PKIB: variants seen among roughly 807,000 people sequenced by gnomAD.
The protein encoded by PKIB is PKI-beta.
In PKIB, 2 loss-of-function variants were observed where a neutral mutation model predicts 4.5. The ratio of observed to expected loss-of-function variants is 0.44; its 90% CI spans 0.18 to 1.39. The LOEUF is 1.39. PKIB is among the 40% of genes most tolerant of loss of function. The probability of loss-of-function intolerance (pLI) is 0.27; values close to 1 mark genes in which losing one functional copy is unlikely to be tolerated. For synonymous variants in PKIB, 38 were observed against 36.0 expected, an observed-to-expected ratio of 1.06 and a Z score of -0.20; for missense variants, 94 against 92.6, an observed-to-expected ratio of 1.02 and a Z score of -0.06.
intron 2 of PKIB, among the ~76,000 whole-genome samples, chr6:122,664,633 C>G (rs1777145515): frequency 6.6e-6 from 1 of 152,098 alleles, no homozygotes; most frequent in African/African-American, 2.4e-5. Flanking sequence ...TGGACTCAAG[C>G]AATCCTCCTA....
chr6:122,661,267 G>A (rs562691874), intron 2 of PKIB, among the ~76,000 whole-genome samples: 5 of 152,044 alleles, frequency 3.3e-5, no homozygotes, highest in South Asian at 2.1e-4. Context: ...GTATATTCAC[G>A]CACTGTCATG....
intron 3 of PKIB, among the ~76,000 whole-genome samples, chr6:122,690,270 G>T (rs1013250531): frequency 1.3e-5 from 2 of 151,530 alleles, no homozygotes; most frequent in Non-Finnish European, 2.9e-5. Context: ...ACTATTGATA[G>T]GTAAGGACTA....
intron 2 of PKIB, among the ~76,000 whole-genome samples, chr6:122,538,361 T>C (rs1777473923): frequency 6.6e-6 from 1 of 152,122 alleles, no homozygotes; most frequent in African/African-American, 2.4e-5. Flanking sequence ...TTGTATAAGG[T>C]GTAAGGAAGG....
chr6:122,502,258 G>T (rs958317256), intron 2 of PKIB, among the ~76,000 whole-genome samples: 1 of 151,872 alleles, frequency 6.6e-6, no homozygotes, highest in African/African-American at 2.4e-5. Context: ...CCATTACATA[G>T]TTCCAAAGTT....
At chr6:122,663,002 G>A (rs1051535214) in intron 2 of PKIB, among the ~76,000 whole-genome samples, 15 of 152,002 alleles carry the variant, frequency 9.9e-5, no homozygotes, top group African/African-American at 3.1e-4. Flanking sequence ...TTTCTTCTTC[G>A]TTTCCTTGCT....
chr6:122,505,082 G>A (rs539112365), intron 2 of PKIB, among the ~76,000 whole-genome samples: 41 of 152,278 alleles, frequency 2.7e-4, no homozygotes, highest in Non-Finnish European at 5.1e-4. Flanking sequence ...CGTCATAGGC[G>A]TTATCTATAG....
chr6:122,630,754 G>C (rs1562277319), intron 1 of PKIB, among the ~76,000 whole-genome samples: 1 of 152,124 alleles, frequency 6.6e-6, no homozygotes, highest in Non-Finnish European at 1.5e-5. Flanking sequence ...GTACTGCACG[G>C]ATATGCTATA....
intron 2 of PKIB, among the ~76,000 whole-genome samples, chr6:122,659,052 A>G (rs1220779413): frequency 3.3e-5 from 5 of 152,072 alleles, no homozygotes; most frequent in Admixed American, 6.5e-5. Context: ...TTTACCAAAT[A>G]GAAGTCATAT....
intron 1 of PKIB, among the ~76,000 whole-genome samples, chr6:122,614,383 C>T (rs1269708562): frequency 6.6e-6 from 1 of 152,194 alleles, no homozygotes; most frequent in Non-Finnish European, 1.5e-5. Context: ...GAAGCATCTA[C>T]AGACAATATG....
intron 3 of PKIB, among the ~76,000 whole-genome samples, chr6:122,598,250 T>A (rs1395509333): frequency 6.6e-6 from 1 of 152,180 alleles, no homozygotes; most frequent in Non-Finnish European, 1.5e-5. Context: ...ACCTAGAAGT[T>A]TTCTGTTTGT....
At chr6:122,648,462 AC>A (rs1433944906) in intron 2 of PKIB, among the ~76,000 whole-genome samples, 1 of 152,198 alleles carries the variant, frequency 6.6e-6, no homozygotes, top group Non-Finnish European at 1.5e-5. Context: ...CCTACTAGGC[AC>A]TATAACTGAG....
At chr6:122,523,120 T>C (rs1195635864) in intron 2 of PKIB, among the ~76,000 whole-genome samples, 1 of 152,192 alleles carries the variant, frequency 6.6e-6, no homozygotes, top group Non-Finnish European at 1.5e-5. Context: ...AGCTGTGGGC[T>C]TCTCATAAAT....
At chr6:122,543,181 C>T (rs753175272) in intron 2 of PKIB, among the ~76,000 whole-genome samples, 1 of 152,008 alleles carries the variant, frequency 6.6e-6, no homozygotes, top group Non-Finnish European at 1.5e-5. Context: ...GAGGCAATGC[C>T]TCGCCCTGCT....
intron 3 of PKIB, among the ~76,000 whole-genome samples, chr6:122,598,548 C>G (rs912724443): frequency 6.6e-6 from 1 of 152,150 alleles, no homozygotes; most frequent in African/African-American, 2.4e-5. Context: ...AATTACAGGG[C>G]TCTTCAAAGA....
intron 2 of PKIB, among the ~76,000 whole-genome samples, chr6:122,488,815 C>T (rs1171462474): frequency 6.6e-6 from 1 of 152,182 alleles, no homozygotes; most frequent in East Asian, 1.9e-4. Flanking sequence ...AAATGTCTGT[C>T]ACTCACATAC....
At chr6:122,582,735 A>G (rs1339208489) in intron 2 of PKIB, among the ~76,000 whole-genome samples, 2 of 152,092 alleles carry the variant, frequency 1.3e-5, no homozygotes, top group East Asian at 3.9e-4. Flanking sequence ...CCAGGTTAAT[A>G]TTACATATAA....
chr6:122,533,104 G>A (rs933017924), intron 2 of PKIB, among the ~76,000 whole-genome samples: 1 of 151,904 alleles, frequency 6.6e-6, no homozygotes, highest in Non-Finnish European at 1.5e-5. Flanking sequence ...CCTGCAGGCT[G>A]CCTTTTCACT....
chr6:122,722,586 C>T (rs1779786752), intron 4 of PKIB, among the ~76,000 whole-genome samples: 1 of 152,200 alleles, frequency 6.6e-6, no homozygotes, highest in Non-Finnish European at 1.5e-5. Flanking sequence ...GCTTCAATTA[C>T]TGTGCAAATA....
intron 2 of PKIB, among the ~76,000 whole-genome samples, chr6:122,581,505 T>C (rs535587809): frequency 6.6e-6 from 1 of 152,216 alleles, no homozygotes; most frequent in East Asian, 1.9e-4. Flanking sequence ...TTAAATAGAT[T>C]TGGAATGAAA....
Sources: allele counts gnomAD v4.1 joint callset (sites outside exome capture counted in the v4.1 genomes callset), GRCh38; gene constraint gnomAD v4.1.1; transcripts MANE v1.5; gene names NCBI Gene and HGNC (gene_info 2026-07-23, HGNC 2026-07-21).